PHF19: variants seen among roughly 807,000 people sequenced by gnomAD.
The protein encoded by PHF19 is PHD finger protein 19.
PHF19 carries 21 observed loss-of-function variants against 79.8 expected under a neutral mutation model. The ratio of observed to expected loss-of-function variants is 0.26; its 90% confidence interval spans 0.19 to 0.38. PHF19 has a LOEUF of 0.38. Among genes scored for constraint, PHF19 ranks in the 10% least tolerant of loss-of-function variants. The pLI, the probability that PHF19 is intolerant of heterozygous loss-of-function variation, is 1.00. For synonymous variants in PHF19, 273 were observed against 296.3 expected (o/e 0.92, Z 0.81); for missense variants, 445 against 744.2 (o/e 0.60, Z 4.68).
Position 120,862,070 on chromosome 9 carries a change from G to A in PHF19, c.1131-65C>T. ...CCTGAGGGCCCTAGGGTGGCCCAGA[G>A]GGAGGCGCCGCAGGGGCGGGGGTCA... is the stretch of plus-strand genomic sequence containing the variant. On this transcript the variant is annotated intron_variant, in intron 11 of 14. Coordinates refer to ENST00000373896, the MANE Select transcript of PHF19 (RefSeq NM_015651.3). This position sits in a 1 kb window ranked among gnomAD's most constrained non-coding sequence, Gnocchi z 4.6. 8.4e-7 allele frequency: 1 copy of A among 1,195,538 alleles called. No homozygotes were observed. The highest frequency in any genetic ancestry group is 1.7e-5 in the Admixed American group (1 of 59,450). The allele number at this position is 1,195,538 out of a possible 1,614,324, so 74.1% of individuals were successfully genotyped here.
chr9:120,865,472 C>T (rs1373417475), intron 9 of PHF19, among the ~76,000 whole-genome samples: 2 of 152,196 alleles, frequency 1.3e-5, no homozygotes, highest in African/African-American at 4.8e-5. Context: ...AGCTGTGTTC[C>T]AGCCAGACTT....
At chr9:120,873,520 C>T (rs898808863) in intron 3 of PHF19, among the ~76,000 whole-genome samples, 1 of 152,244 alleles carries the variant, frequency 6.6e-6, no homozygotes, top group East Asian at 1.9e-4. Flanking sequence ...CAACTCCTTG[C>T]CCCGTGGAGA....
chr9:120,874,596 C>G lies in PHF19; in HGVS notation c.146G>C (p.Arg49Pro). 1 of 1,613,802 alleles carries G rather than the reference C, an allele frequency of 6.2e-7. No homozygotes were observed. ...KLTEGQYVLC[R>P]WTDGLYYLGK... ...GAGGTAGTACAGGCCATCTGTCCAC[C>G]GGCACAGCACATACTGGCCCTCCGT... The change falls in exon 2 of 15, where the codon CGG becomes CCG. Residue 49 changes from arginine (R) to proline (P), a missense_variant. Coordinates refer to ENST00000373896, the MANE Select transcript of PHF19 (RefSeq NM_015651.3). This position sits in a 1 kb window ranked among gnomAD's most constrained non-coding sequence, Gnocchi z 4.5.
chr9:120,884,927 TA>T (rs1194422986), intron 1 of PHF19, among the ~76,000 whole-genome samples: 1 of 150,270 alleles, frequency 6.7e-6, no homozygotes, highest in Non-Finnish European at 1.5e-5. Context: ...AAAATAAAAA[TA>T]AAAATTAAAA....
At chr9:120,896,450 T>C (rs1288100066), upstream of PHF19, among the ~76,000 whole-genome samples, 31 of 42,738 alleles carry the variant, frequency 7.3e-4, 1 homozygote, top group Middle Eastern at 0.026. Flanking sequence ...TTTTTTTTTT[T>C]CTTTTTTTTT....
the PHF19 span, among the ~76,000 whole-genome samples, chr9:120,901,141 G>A: frequency 7.9e-5 from 12 of 152,244 alleles, no homozygotes; most frequent in African/African-American, 2.6e-4. Flanking sequence ...CGAAGCTGAA[G>A]ATTTCACCCA....
intron 10 of PHF19, among the ~76,000 whole-genome samples, chr9:120,863,332 G>T (rs574255867): frequency 6.6e-6 from 1 of 151,882 alleles, no homozygotes; most frequent in Non-Finnish European, 1.5e-5. Flanking sequence ...ACCCAGAGGT[G>T]TCTGGAAGAG....
chr9:120,871,328 G>GT (rs1395878154), intron 3 of PHF19, among the ~76,000 whole-genome samples: 2 of 152,132 alleles, frequency 1.3e-5, no homozygotes, highest in Non-Finnish European at 2.9e-5. Flanking sequence ...ATACCCAATA[G>GT]TTTTTCCATA....
rs757645205 is a variant in PHF19, at chr9:120,874,684, G to C, written c.58C>G (p.Leu20Val). The change falls in exon 2 of 15, where the codon CTC (leucine) becomes GTC (valine). Residue 20 changes from leucine to valine, a missense_variant. Transcript: ENST00000373896. This position sits in a 1 kb window ranked among gnomAD's most constrained non-coding sequence, Gnocchi z 4.5. ...TTCGCCAGGGCCCCCTTGTTGGGGA[G>C]GTGGCTGGTGGCACCATAGGAGTCC... ...TRDSYGATSH[L>V]PNKGALAKVK... The C allele has an allele frequency of 1.1e-5, 17 of 1,613,602 alleles. No individual in the cohort carries two copies. The South Asian group carries it at 1.6e-4, about 16-fold the overall frequency.
chr9:120,890,141 GC>G (rs1207004685), intron 1 of PHF19, among the ~76,000 whole-genome samples: 2 of 152,210 alleles, frequency 1.3e-5, no homozygotes, highest in Non-Finnish European at 2.9e-5. Context: ...ATAAGTGTTT[GC>G]TGAGTGAATA....
At chr9:120,864,475 C>T (rs2045635949) in intron 9 of PHF19, among the ~76,000 whole-genome samples, 1 of 151,822 alleles carries the variant, frequency 6.6e-6, no homozygotes, top group Admixed American at 6.6e-5. Context: ...TAATGGTGGA[C>T]AAATGGGAAA....
Position 120,869,363 on chromosome 9 carries a change from A to G in PHF19, c.466-33T>C. 3.7e-6 allele frequency: 6 copies of G among 1,603,950 alleles called. No individual in the cohort carries two copies. The highest frequency in any genetic ancestry group is 5.1e-6 in the Non-Finnish European group (6 of 1,175,738). On this transcript the variant is annotated intron_variant, in intron 5 of 14. Coordinates refer to ENST00000373896, the MANE Select transcript of PHF19 (RefSeq NM_015651.3). The surrounding 1 kb of genome is among the most constrained non-coding windows in gnomAD (Gnocchi z 5.8). ...GAGACGAGGGCCCCAGTCAACCACC[A>G]GGTCCGGGTGGACCACGCGAGTCAG...
At chr9:120,886,018 C>A (rs1432748333) in intron 1 of PHF19, among the ~76,000 whole-genome samples, 2 of 152,220 alleles carry the variant, frequency 1.3e-5, no homozygotes, top group Non-Finnish European at 2.9e-5. Flanking sequence ...GCTCCCTGAT[C>A]TTCGGCTTAA....
rs190228924 is a variant in PHF19 at position 120,870,769 on chromosome 9, G to C, written c.269-231C>G. On this transcript the variant is annotated intron_variant, in intron 3 of 14. Coordinates refer to ENST00000373896, the MANE Select transcript of PHF19 (RefSeq NM_015651.3). The surrounding 1 kb of genome is among the most constrained non-coding windows in gnomAD (Gnocchi z 4.4). ...CCTTGCTTAGCTAGTAAGTAGGTGA[G>C]GGGGGGATTAAACCCATGGCTGTTT... Among the ~76,000 whole-genome samples, 1 of 152,192 alleles carries C rather than the reference G, an allele frequency of 6.6e-6. No individual in the cohort carries two copies. Among genetic ancestry groups the C allele is most frequent in the Non-Finnish European group, 1.5e-5 (1 of 68,030 alleles).
chr9:120,884,192 G>A (rs902659041), intron 1 of PHF19, among the ~76,000 whole-genome samples: 2 of 151,740 alleles, frequency 1.3e-5, no homozygotes, highest in Admixed American at 1.3e-4. Context: ...TAGAGATTTT[G>A]ATTGATATGA....
At chr9:120,892,830 T>C (rs1364368413) in intron 1 of PHF19, among the ~76,000 whole-genome samples, 1 of 152,248 alleles carries the variant, frequency 6.6e-6, no homozygotes, top group Admixed American at 6.5e-5. Context: ...AAAAGGGTTA[T>C]TGAATACATG....
chr9:120,870,668 T>TC lies in PHF19; in HGVS notation c.269-131dup, dbSNP rs1304455428. ...GCCCCACATGCCACCTCACTGAATC[T>TC]CCCCAACCACTCTGAGATGCCTATC... On this transcript the variant is annotated intron_variant, in intron 3 of 14. Coordinates refer to ENST00000373896, the MANE Select transcript of PHF19 (RefSeq NM_015651.3). The surrounding 1 kb of genome is among the most constrained non-coding windows in gnomAD (Gnocchi z 4.4). 4.8e-6 allele frequency: 3 copies of TC among 628,198 alleles called. No individual in the cohort carries two copies. The highest frequency in any genetic ancestry group is 8.7e-6 in the Non-Finnish European group (3 of 346,490). 38.9% of individuals were successfully genotyped at this position (628,198 alleles called of 1,614,324 possible).
chr9:120,887,204 C>A (rs559653584), intron 1 of PHF19, among the ~76,000 whole-genome samples: 1 of 152,178 alleles, frequency 6.6e-6, no homozygotes, highest in Admixed American at 6.5e-5. Flanking sequence ...TCTATAATCC[C>A]AGCTCTTTGG....
chr9:120,901,407 C>G, the PHF19 span, among the ~76,000 whole-genome samples: 1 of 152,154 alleles, frequency 6.6e-6, no homozygotes, highest in Non-Finnish European at 1.5e-5. Flanking sequence ...GTTGGTCAGG[C>G]TGGTCTCGAA....
Sources: allele counts gnomAD v4.1 joint callset (sites outside exome capture counted in the v4.1 genomes callset), GRCh38; gene constraint gnomAD v4.1.1; non-coding constraint Gnocchi (gnomAD v3.1); transcripts MANE v1.5; gene names NCBI Gene and HGNC (gene_info 2026-07-23, HGNC 2026-07-21).